NOS1: variants seen among roughly 807,000 people sequenced by gnomAD.
The protein encoded by NOS1 is nitric oxide synthase 1, also known as NOS type I.
Under a neutral mutation model 164.5 loss-of-function variants are expected in NOS1, and 51 were observed. The ratio of observed to expected loss-of-function variants is 0.31; its 90% CI spans 0.25 to 0.39. The LOEUF (loss-of-function observed/expected upper bound fraction) is 0.39, where lower values mean the gene tolerates loss of function less well. Ranked by LOEUF, NOS1 falls within the 10% of genes least tolerant of loss-of-function variation. The probability of loss-of-function intolerance (pLI) is 1.00; values close to 1 mark genes in which losing one functional copy is unlikely to be tolerated. For missense variants in NOS1, 1,362 were observed against 1,885.6 expected (o/e 0.72, Z 5.14); for synonymous variants, 719 against 745.8 (o/e 0.96, Z 0.59).
At chr12:117,231,701 A>G (rs1368819072) in intron 22 of NOS1, among the ~76,000 whole-genome samples, 1 of 152,244 alleles carries the variant, frequency 6.6e-6, no homozygotes, top group African/African-American at 2.4e-5. Context: ...TTCCAGAAGA[A>G]GACAGAAAGA....
At chr12:117,227,384 T>C (rs773671671) in intron 23 of NOS1, 47 bp downstream of exon 23, 26 of 1,590,890 alleles carry the variant, frequency 1.6e-5, no homozygotes, top group Non-Finnish European at 1.8e-5. Flanking sequence ...CAGAGGCCCC[T>C]TGGGGGAAAA....
chr12:117,227,304 T>C, intron 23 of NOS1, 127 bp downstream of exon 23: 2 of 849,502 alleles, frequency 2.4e-6, no homozygotes, highest in East Asian at 5.3e-5. Context: ...CCCAGCTTTC[T>C]GGTCTTGGGG....
rs559110279 is a variant in NOS1 at position 117,330,580 on chromosome 12, C to T, written c.490G>A (p.Asp164Asn). The stretch of plus-strand genomic sequence containing the variant: ...AGTGAGCCAGCCTCCTGCCCATCAT[C>T]GTAGGCATGCTGAGGCCCATTCCCG... Reference protein sequence around the residue: ...GPGNGPQHAYDDGQEAGSLPH... With the variant: ...GPGNGPQHAYNDGQEAGSLPH... Residue 164 changes from aspartate to asparagine, a missense_variant, in exon 2 of 29, where the codon GAT (aspartate) becomes AAT (asparagine). Around this residue, in one of 4 missense-constraint regions of NOS1, gnomAD observed 362 missense variants for 402.0 expected, o/e 0.90. Transcript: ENST00000317775. The surrounding 1 kb of genome is among the most constrained non-coding windows in gnomAD (Gnocchi z 4.6). 4.0e-5 allele frequency: 65 copies of T among 1,612,978 alleles called. No individual in the cohort carries two copies. Among genetic ancestry groups the T allele is most frequent in the South Asian group, 1.6e-4 (15 of 90,988 alleles).
chr12:117,293,713 T>G (rs1038961961), intron 3 of NOS1, among the ~76,000 whole-genome samples: 1 of 151,518 alleles, frequency 6.6e-6, no homozygotes, highest in African/African-American at 2.4e-5. Context: ...TATTATTACT[T>G]GTATTATTAT....
chr12:117,232,982 C>T (rs369816278), intron 21 of NOS1, among the ~76,000 whole-genome samples: 5 of 151,234 alleles, frequency 3.3e-5, no homozygotes, highest in African/African-American at 1.2e-4. Context: ...ATCCTCCCAC[C>T]TCATGCTCCT....
intron 7 of NOS1, among the ~76,000 whole-genome samples, chr12:117,283,277 G>C (rs1428265922): frequency 6.6e-6 from 1 of 151,992 alleles, no homozygotes; most frequent in Non-Finnish European, 1.5e-5. Flanking sequence ...GCCCAGGCTG[G>C]TCTCAAACTC....
At position 117,243,458 on chromosome 12, in the gene NOS1, A is replaced by G. The variant is rs747336224; in HGVS notation, c.2824-23T>C. ...TGCCTGTGGTGTACACAAGGCTTTC[A>G]GTGACCTCTTTCAGCCAAGCGGATC... On this transcript the variant is annotated intron_variant, in intron 18 of 28. Coordinates refer to ENST00000317775, the MANE Select transcript of NOS1 (RefSeq NM_000620.5). The surrounding 1 kb of genome is among the most constrained non-coding windows in gnomAD (Gnocchi z 4.3). The G allele has an allele frequency of 1.7e-5, 27 of 1,612,214 alleles. No homozygotes were observed. The highest frequency in any genetic ancestry group is 2.1e-5 in the Non-Finnish European group (25 of 1,178,880).
chr12:117,270,456 G>C (rs1231055186), intron 10 of NOS1, among the ~76,000 whole-genome samples: 3 of 151,902 alleles, frequency 2.0e-5, no homozygotes, highest in Admixed American at 2.0e-4. Context: ...TCTGCTTGGG[G>C]TCTCTATCAG....
chr12:117,291,585 G>A (rs1027207056), intron 3 of NOS1, among the ~76,000 whole-genome samples: 3 of 142,472 alleles, frequency 2.1e-5, no homozygotes, highest in African/African-American at 7.9e-5. Context: ...ATAGGCTGGA[G>A]TGCAGTGGTC....
chr12:117,243,575 A>C lies in NOS1; in HGVS notation c.2824-140T>G. 1.2e-6 allele frequency: 1 copy of C among 853,516 alleles called. No individual in the cohort carries two copies. The highest frequency in any genetic ancestry group is 1.8e-6 in the Non-Finnish European group (1 of 552,996). 52.9% of individuals were successfully genotyped at this position (853,516 alleles called of 1,614,324 possible). ...CATCCATCCATCCATCCATCCATCC[A>C]TCCATCCATCCATCCAGTAACCCTT... On this transcript the variant is annotated intron_variant, in intron 18 of 28. Coordinates refer to ENST00000317775, the MANE Select transcript of NOS1 (RefSeq NM_000620.5). This position sits in a 1 kb window ranked among gnomAD's most constrained non-coding sequence, Gnocchi z 4.3.
At chr12:117,307,124 G>A (rs11068445) in intron 3 of NOS1, among the ~76,000 whole-genome samples, 20,714 of 152,196 alleles carry the variant, frequency 0.14, 1,635 homozygotes, top group East Asian at 0.26. Context: ...TCAGATTTCT[G>A]CATTGACTTT....
At chr12:117,259,513 ATC>A (rs780736149) in intron 14 of NOS1, among the ~76,000 whole-genome samples, 1 of 152,162 alleles carries the variant, frequency 6.6e-6, no homozygotes, top group Non-Finnish European at 1.5e-5. Context: ...GCCGGGAATG[ATC>A]TGGCTAGAGC....
rs929600213 is a variant in NOS1 at position 117,214,349 on chromosome 12, G to A, written c.*960C>T. The A allele has an allele frequency of 4.1e-6, 4 of 985,296 alleles. No individual in the cohort carries two copies. The African/African-American group carries it at 7.0e-5, about 17-fold the overall frequency. 61.0% of individuals were successfully genotyped at this position (985,296 alleles called of 1,614,324 possible). ...ATCCAAAGTCATCCAGTGGCAAAGT[G>A]GGAAGATCCTTATTGCCACCAGGCT... On this transcript the variant is annotated 3_prime_UTR_variant, in exon 29 of 29. Transcript: ENST00000317775.
At chr12:117,264,729 TTCTC>T (rs1407210964) in intron 12 of NOS1, among the ~76,000 whole-genome samples, 7 of 148,982 alleles carry the variant, frequency 4.7e-5, no homozygotes, top group Admixed American at 2.7e-4. Flanking sequence ...CTCTCTCTCT[TTCTC>T]TCTTTCTTTT....
Position 117,234,537 on chromosome 12 carries a change from A to G in NOS1, c.3235+28T>C. ...ACCCACTGCCTCTGCAGCTCCCTAGAGCAGGGAAGGGTCCCCGGGAATGTT... is the reference window on the plus strand; with the variant it reads ...ACCCACTGCCTCTGCAGCTCCCTAGGGCAGGGAAGGGTCCCCGGGAATGTT... On this transcript the variant is annotated intron_variant, in intron 21 of 28. Transcript: ENST00000317775. The surrounding 1 kb of genome is among the most constrained non-coding windows in gnomAD (Gnocchi z 4.3). 6.3e-7 allele frequency: 1 copy of G among 1,597,674 alleles called. No individual in the cohort carries two copies. The highest frequency in any genetic ancestry group is 8.6e-7 in the Non-Finnish European group (1 of 1,167,856).
chr12:117,329,523 T>C (rs1410730199), intron 2 of NOS1, among the ~76,000 whole-genome samples: 1 of 151,952 alleles, frequency 6.6e-6, no homozygotes, highest in Non-Finnish European at 1.5e-5. Flanking sequence ...AGACCTAAGA[T>C]GCAAATGGAA....
chr12:117,219,282 T>A (rs1212555123), intron 27 of NOS1, among the ~76,000 whole-genome samples: 1 of 146,080 alleles, frequency 6.8e-6, no homozygotes, highest in Admixed American at 6.6e-5. Context: ...CACCCAGCCA[T>A]TTTTTGTTTT....
Position 117,208,150 on chromosome 12 carries a change from A to T in NOS1, c.*7159T>A. ...GACAGCAGCCAGCCAAGTTGAATCC[A>T]CTTTTTAATATTGTAACCATAATGC... On this transcript the variant is annotated 3_prime_UTR_variant, in exon 29 of 29. Transcript: ENST00000317775. The T allele has an allele frequency of 2.6e-6, 2 of 761,858 alleles. No individual in the cohort carries two copies. The highest frequency in any genetic ancestry group is 3.6e-6 in the Non-Finnish European group (2 of 552,598). 47.2% of individuals were successfully genotyped at this position (761,858 alleles called of 1,614,324 possible).
At chr12:117,332,324 G>A (rs1345450948) in intron 1 of NOS1, among the ~76,000 whole-genome samples, 1 of 152,168 alleles carries the variant, frequency 6.6e-6, no homozygotes, top group African/African-American at 2.4e-5. Flanking sequence ...AGAGGAAAGG[G>A]AAGCTTGGGA....
Sources: gnomAD v4.1 joint callset for allele counts (sites outside exome capture counted in the v4.1 genomes callset) on GRCh38, gnomAD v4.1.1 for gene constraint, gnomAD v4.1.1 regional missense constraint, Gnocchi (gnomAD v3.1) non-coding constraint, MANE v1.5 for transcripts, NCBI Gene and HGNC (gene_info 2026-07-23, HGNC 2026-07-21) for gene names.